Variants in CCDC169 observed in about 807,000 individuals in gnomAD.
The protein encoded by CCDC169 is coiled-coil domain-containing protein 169.
A neutral mutation model predicts 36.0 loss-of-function variants in CCDC169; 30 were observed. That is an observed-to-expected ratio of 0.83 (90% CI 0.62 to 1.13). The LOEUF (loss-of-function observed/expected upper bound fraction) is 1.13. Among genes scored for constraint, CCDC169 ranks in the 50% most tolerant of loss-of-function variants. CCDC169 has a pLI of 0.00. For missense variants in CCDC169, 245 were observed against 245.9 expected (o/e 1.00, Z 0.03); for synonymous variants, 85 against 81.5 (o/e 1.04, Z -0.23).
At chr13:36,253,760 A>G (rs907828882) in intron 6 of CCDC169, 43 bp downstream of exon 6, 6 of 1,525,064 alleles carry the variant, frequency 3.9e-6, no homozygotes, top group East Asian at 2.5e-5. Flanking sequence ...CATAATTTAC[A>G]GTAAGAAGAA....
intron 2 of CCDC169, among the ~76,000 whole-genome samples, chr13:36,292,555 A>C (rs767759856): frequency 6.6e-6 from 1 of 152,214 alleles, no homozygotes; most frequent in Non-Finnish European, 1.5e-5. Context: ...GACTTTGAGA[A>C]TATAAAGCTC....
At chr13:36,293,225 T>C (rs1160829960) in intron 2 of CCDC169, among the ~76,000 whole-genome samples, 3 of 152,202 alleles carry the variant, frequency 2.0e-5, no homozygotes, top group South Asian at 2.1e-4. Flanking sequence ...CCCCACTGCC[T>C]TCAGGATAAA....
At chr13:36,257,925 C>T (rs1015008712) in intron 4 of CCDC169, among the ~76,000 whole-genome samples, 3 of 152,122 alleles carry the variant, frequency 2.0e-5, no homozygotes, top group Admixed American at 2.0e-4. Context: ...TGGGTAAAGT[C>T]CCTCTAGCTT....
intron 6 of CCDC169, among the ~76,000 whole-genome samples, chr13:36,250,428 T>C: frequency 6.6e-6 from 1 of 152,134 alleles, no homozygotes; most frequent in Non-Finnish European, 1.5e-5. Flanking sequence ...AGAACACTAT[T>C]GTATCTGTAT....
At chr13:36,257,460 C>A (rs1381852120) in intron 4 of CCDC169, among the ~76,000 whole-genome samples, 1 of 152,120 alleles carries the variant, frequency 6.6e-6, no homozygotes, top group Non-Finnish European at 1.5e-5. Context: ...AATCCCAGCA[C>A]TTTGGGAGGC....
At chr13:36,240,462 T>A (rs1183462761) in intron 7 of CCDC169, 1 of 311,414 alleles carries the variant, frequency 3.2e-6, no homozygotes, top group African/African-American at 2.3e-5. Flanking sequence ...ACAGAGTTAT[T>A]GACTTACTCT....
intron 7 of CCDC169, among the ~76,000 whole-genome samples, chr13:36,246,243 T>A (rs539413345): frequency 6.6e-6 from 1 of 152,228 alleles, no homozygotes; most frequent in Admixed American, 6.5e-5. Context: ...GGAAGGTATG[T>A]TGAAAGCTGA....
At chr13:36,280,396 A>C (rs977209005) in intron 4 of CCDC169, 10 of 152,328 alleles carry the variant, frequency 6.6e-5, no homozygotes, top group African/African-American at 2.4e-4. Flanking sequence ...CTCAAAATTA[A>C]AACCAGAAAC....
intron 6 of CCDC169, among the ~76,000 whole-genome samples, chr13:36,251,665 A>G (rs1873187696): frequency 6.6e-6 from 1 of 152,170 alleles, no homozygotes; most frequent in Non-Finnish European, 1.5e-5. Flanking sequence ...ATAATTTTGC[A>G]TATTTGCTTT....
chr13:36,282,182 G>A (rs893911940), intron 4 of CCDC169, among the ~76,000 whole-genome samples: 1 of 151,924 alleles, frequency 6.6e-6, no homozygotes, highest in Admixed American at 6.6e-5. Flanking sequence ...ATAAAGAATC[G>A]GGAAATTTAC....
At chr13:36,249,896 A>C (rs949176042) in intron 6 of CCDC169, among the ~76,000 whole-genome samples, 1 of 152,162 alleles carries the variant, frequency 6.6e-6, no homozygotes, top group African/African-American at 2.4e-5. Context: ...GTGAGCTAAG[A>C]TATTAGATCA....
intron 7 of CCDC169, among the ~76,000 whole-genome samples, chr13:36,247,491 T>C (rs193136392): frequency 2.2e-3 from 332 of 151,494 alleles, no homozygotes; most frequent in African/African-American, 7.8e-3. Flanking sequence ...TGGGAGGAGG[T>C]AGAAAAATGT....
chr13:36,285,579 A>AGAT (rs1205026771), intron 2 of CCDC169, among the ~76,000 whole-genome samples: 21 of 147,070 alleles, frequency 1.4e-4, no homozygotes, highest in Non-Finnish European at 2.4e-4. Context: ...TCAAAAAAAT[A>AGAT]AAATAAGATA....
chr13:36,254,073 T>G lies in CCDC169; in HGVS notation c.386A>C (p.Tyr129Ser). ...KKTLESQVKYYALKLEQESKA... is the reference protein window; with the variant it reads ...KKTLESQVKYSALKLEQESKA... ...TGATTCTTGTTCCAGTTTAAGTGCA[T>G]AGTATTTCACTTGACTTTCAAGAGT... Residue 129 changes from tyrosine to serine, a missense_variant, in exon 5 of 8, where the codon TAT becomes TCT. Coordinates refer to ENST00000239859, the MANE Select transcript of CCDC169 (RefSeq NM_001144981.3). 5.2e-6 allele frequency: 8 copies of G among 1,548,840 alleles called. No individual in the cohort carries two copies. The highest frequency in any genetic ancestry group is 7.0e-6 in the Non-Finnish European group (8 of 1,146,090).
At chr13:36,239,668 T>A (rs1192227730) in intron 7 of CCDC169, among the ~76,000 whole-genome samples, 1 of 152,198 alleles carries the variant, frequency 6.6e-6, no homozygotes. Flanking sequence ...TTGGGTTTCA[T>A]CTCTTCATCT....
chr13:36,227,400 A>C (rs368543134), downstream of CCDC169: 228 of 1,525,674 alleles, frequency 1.5e-4, no homozygotes, highest in African/African-American at 2.7e-3. Flanking sequence ...AGAGATGTGA[A>C]TAGAACATGA....
Position 36,297,520 on chromosome 13 carries a change from G to A in CCDC169, c.83+117C>T. ...TTTGGAACCCAGACCGAAGTGCCCA[G>A]GGGTTAATCACGGCGCCGGTCTTAC... is the stretch of plus-strand genomic sequence containing the variant. On this transcript the variant is annotated intron_variant, in intron 1 of 7. Transcript: ENST00000239859. The A allele has an allele frequency of 4.2e-6, 4 of 946,048 alleles. No individual in the cohort carries two copies. In the South Asian group the frequency reaches 5.7e-5, roughly 13 times the overall value. 58.6% of individuals were successfully genotyped at this position (946,048 alleles called of 1,614,324 possible).
intron 7 of CCDC169, among the ~76,000 whole-genome samples, chr13:36,232,677 C>A (rs1243501256): frequency 3.1e-5 from 2 of 63,538 alleles, no homozygotes; most frequent in African/African-American, 8.5e-5. Flanking sequence ...CACTGCAGTC[C>A]GCAGTCCGGC....
At chr13:36,245,270 C>T (rs1486150137) in intron 7 of CCDC169, among the ~76,000 whole-genome samples, 1 of 152,062 alleles carries the variant, frequency 6.6e-6, no homozygotes, top group Admixed American at 6.6e-5. Flanking sequence ...TAGACATAAC[C>T]TTGTAAACTC....
Sources: gnomAD v4.1 joint callset for allele counts (sites outside exome capture counted in the v4.1 genomes callset) on GRCh38, gnomAD v4.1.1 for gene constraint, MANE v1.5 for transcripts, NCBI Gene and HGNC (gene_info 2026-07-23, HGNC 2026-07-21) for gene names.